C6: variants seen among roughly 807,000 people sequenced by gnomAD.
C6 encodes complement component C6.
In C6, 101 loss-of-function variants were observed where a neutral mutation model predicts 112.9. That is an observed-to-expected ratio of 0.89 (90% CI 0.76 to 1.06). The LOEUF (loss-of-function observed/expected upper bound fraction) is 1.06. Ranked by LOEUF, C6 falls within the 50% of genes least tolerant of loss-of-function variation. C6 has a pLI of 0.00. For synonymous variants in C6, 431 were observed against 384.1 expected (o/e 1.12, Z -1.43); for missense variants, 1,202 against 1,104.6 (o/e 1.09, Z -1.25).
chr5:41,243,707 C>A (rs1233064911), intron 1 of C6, among the ~76,000 whole-genome samples: 1 of 152,158 alleles, frequency 6.6e-6, no homozygotes, highest in Non-Finnish European at 1.5e-5. Context: ...TTAATGAAAT[C>A]TCTGCTACTC....
rs368872754 is a variant in C6, at chr5:41,167,553, T to C, written c.1291+4672A>G. Among the ~76,000 whole-genome samples, 6 of 152,088 alleles carry C rather than the reference T, an allele frequency of 3.9e-5. 1 individual carries two copies. The highest frequency in any genetic ancestry group is 2.0e-4 in the Admixed American group (3 of 15,242). ...AAATAATAGTTTGACAAGTAGAAGT[T>C]TGATAGAAGCTCATAAGAGGCTCTG... On this transcript the variant is annotated intron_variant, in intron 9 of 17. Transcript: ENST00000337836.
At chr5:41,178,466 CTTTTTT>C (rs70988836) in intron 7 of C6, among the ~76,000 whole-genome samples, 3 of 101,594 alleles carry the variant, frequency 3.0e-5, no homozygotes, top group Non-Finnish European at 5.7e-5. Context: ...TTTTCTTTTT[CTTTTTT>C]TTTTTTTTTT....
At chr5:41,209,228 A>G (rs1324092425) in intron 1 of C6, among the ~76,000 whole-genome samples, 2 of 152,156 alleles carry the variant, frequency 1.3e-5, no homozygotes, top group Non-Finnish European at 2.9e-5. Flanking sequence ...TCTCAAAATA[A>G]TAAGAGCTAT....
In C6 at chr5:41,149,040, A is replaced by G. The variant is rs148507339; in HGVS notation, c.2623+201T>C. On this transcript the variant is annotated intron_variant, in intron 17 of 17. Coordinates refer to ENST00000337836, the MANE Select transcript of C6 (RefSeq NM_000065.5). ...TGCATAGAGAAAAGATTGGCAAGAT[A>G]TACACCCACATTACTACAGTAGTTA... Among the ~76,000 whole-genome samples, 222 of 152,328 alleles carry G rather than the reference A, an allele frequency of 1.5e-3. 6 individuals are homozygous for G. The East Asian group carries it at 0.038, about 26-fold the overall frequency.
At chr5:41,248,367 A>G (rs1741146287) in intron 1 of C6, among the ~76,000 whole-genome samples, 1 of 152,272 alleles carries the variant, frequency 6.6e-6, no homozygotes, top group Non-Finnish European at 1.5e-5. Context: ...AAAAGAAGCT[A>G]TCAACAGAGT....
intron 17 of C6, among the ~76,000 whole-genome samples, chr5:41,145,187 G>A (rs112231931): frequency 2.4e-4 from 36 of 152,270 alleles, no homozygotes; most frequent in African/African-American, 8.7e-4. Context: ...TCGCCACACT[G>A]CTTTCCACAA....
At chr5:41,202,991 A>T in intron 2 of C6, 97 bp downstream of exon 2, 1 of 1,124,962 alleles carries the variant, frequency 8.9e-7, no homozygotes, top group Non-Finnish European at 1.4e-6. Flanking sequence ...TTTGATATAT[A>T]TATGTTCCCA....
At chr5:41,151,991 A>G (rs968946368) in intron 15 of C6, among the ~76,000 whole-genome samples, 1 of 151,992 alleles carries the variant, frequency 6.6e-6, no homozygotes, top group African/African-American at 2.4e-5. Context: ...CATTCTAGGC[A>G]CTAGGACATT....
At position 41,201,561 on chromosome 5, in the gene C6, T is replaced by C. The variant is rs770652133; in HGVS notation, c.297A>G (p.Lys99=). Reference sequence around the variant, plus strand: ...GGAAATGCCCATGGTTGCCTACCTGTTTTTCAATACAAGGGTCACAGTCTG... The same window carrying C: ...GGAAATGCCCATGGTTGCCTACCTGCTTTTCAATACAAGGGTCACAGTCTG... ...PWSDCDPCIE[K]QSKVRSVLRP... is the part of the protein sequence containing the mutation. Residue 99 remains lysine, a synonymous_variant, in exon 3 of 18, where the codon AAA becomes AAG. Coordinates refer to ENST00000337836, the MANE Select transcript of C6 (RefSeq NM_000065.5). The C allele has an allele frequency of 2.0e-5, 33 of 1,613,400 alleles. No individual in the cohort carries two copies. The East Asian group carries it at 6.7e-4, about 33-fold the overall frequency.
chr5:41,142,509 A>C lies in C6; in HGVS notation c.*316T>G. 2 of 327,026 alleles carry C rather than the reference A, an allele frequency of 6.1e-6. No homozygotes were observed. The highest frequency in any genetic ancestry group is 4.1e-5 in the Admixed American group (1 of 24,382). The allele number at this position is 327,026 out of a possible 1,614,324, so 20.3% of individuals were successfully genotyped here. ...TTTATTCTTATTTCTAATTGCGAGA[A>C]TGCTTAATGTCACAGGCTACATAAG... On this transcript the variant is annotated 3_prime_UTR_variant, in exon 18 of 18. Transcript: ENST00000337836.
At chr5:41,187,750 T>C (rs542866652) in intron 5 of C6, among the ~76,000 whole-genome samples, 2 of 151,860 alleles carry the variant, frequency 1.3e-5, no homozygotes, top group Admixed American at 6.6e-5. Context: ...TGAAATGGTT[T>C]CTTCACTTGA....
intron 15 of C6, among the ~76,000 whole-genome samples, chr5:41,153,463 T>C (rs1746600964): frequency 6.6e-6 from 1 of 152,226 alleles, no homozygotes; most frequent in South Asian, 2.1e-4. Context: ...TTTATTATTA[T>C]GATCAGGAGT....
chr5:41,194,102 A>G (rs879434041), intron 5 of C6, among the ~76,000 whole-genome samples: 4 of 152,150 alleles, frequency 2.6e-5, no homozygotes, highest in Non-Finnish European at 4.4e-5. Context: ...GTGATTTTGT[A>G]ATGTCACCCT....
At chr5:41,230,089 T>C (rs1454916301) in intron 1 of C6, among the ~76,000 whole-genome samples, 1 of 152,200 alleles carries the variant, frequency 6.6e-6, no homozygotes, top group Non-Finnish European at 1.5e-5. Flanking sequence ...CTGTCTTTAC[T>C]TTAATCTCAT....
intron 1 of C6, among the ~76,000 whole-genome samples, chr5:41,232,499 A>G (rs371495556): frequency 2.6e-5 from 4 of 152,166 alleles, no homozygotes; most frequent in East Asian, 3.9e-4. Context: ...TTTAGCTTTT[A>G]TGGTTGCTTT....
At position 41,203,245 on chromosome 5, in the gene C6, C is replaced by A. The variant is rs1255998729; in HGVS notation, c.-15G>T. 1 of 1,613,742 alleles carries A rather than the reference C, an allele frequency of 6.2e-7. No homozygotes were observed. Among genetic ancestry groups the A allele is most frequent in the East Asian group, 2.2e-5 (1 of 44,884 alleles). ...CGTCTGGCCATGCCTTGAGAGCCTC[C>A]AGGCCCTAAAATGAAAGAATACATA... On this transcript the variant is annotated 5_prime_UTR_variant, in exon 2 of 18. Coordinates refer to ENST00000337836, the MANE Select transcript of C6 (RefSeq NM_000065.5).
intron 1 of C6, among the ~76,000 whole-genome samples, chr5:41,208,078 G>A (rs1232046846): frequency 1.3e-5 from 2 of 151,238 alleles, no homozygotes; most frequent in Admixed American, 6.6e-5. Context: ...AACTCAAAAC[G>A]CTCAACTACA....
At chr5:41,199,738 G>C (rs372190172) in intron 4 of C6, 30 bp downstream of exon 4, 1 of 1,607,646 alleles carries the variant, frequency 6.2e-7, no homozygotes, top group East Asian at 2.2e-5. Context: ...ATTTTTAGTG[G>C]GGACTGAACA....
At chr5:41,205,575 C>T (rs998687794) in intron 1 of C6, among the ~76,000 whole-genome samples, 4 of 152,234 alleles carry the variant, frequency 2.6e-5, no homozygotes, top group Non-Finnish European at 5.9e-5. Context: ...GAGATTATAT[C>T]CCGCACCTGG....
Sources: gnomAD v4.1 joint callset for allele counts (sites outside exome capture counted in the v4.1 genomes callset) on GRCh38, gnomAD v4.1.1 for gene constraint, MANE v1.5 for transcripts, NCBI Gene and HGNC (gene_info 2026-07-23, HGNC 2026-07-21) for gene names.